Variants in INO80 observed in about 807,000 individuals in gnomAD.
The protein encoded by INO80 is INO80 complex ATPase subunit.
INO80 carries 20 observed loss-of-function variants against 203.4 expected under a neutral mutation model. The ratio of observed to expected loss-of-function variants is 0.10; its 90% CI spans 0.07 to 0.14. The LOEUF (loss-of-function observed/expected upper bound fraction) is 0.14, where lower values mean the gene tolerates loss of function less well. Ranked by LOEUF, INO80 falls within the 10% of genes least tolerant of loss-of-function variation. The pLI is 1.00. For synonymous variants in INO80, 726 were observed against 685.2 expected, an observed-to-expected ratio of 1.06 and a Z score of -0.93; for missense variants, 1,419 against 1,914.4, an observed-to-expected ratio of 0.74 and a Z score of 4.83.
At chr15:41,056,500 T>C (rs2044987111) in intron 17 of INO80, 122 bp downstream of exon 17, 3 of 734,130 alleles carry the variant, frequency 4.1e-6, no homozygotes, top group East Asian at 2.6e-5. Context: ...AAGTCTTTTA[T>C]GTGGGGACTA....
At chr15:41,026,241 CCTT>C (rs2044372660) in intron 25 of INO80, among the ~76,000 whole-genome samples, 1 of 151,952 alleles carries the variant, frequency 6.6e-6, no homozygotes, top group Admixed American at 6.6e-5. Flanking sequence ...AGAAAAGGCT[CCTT>C]CTTCTTTTAA....
At chr15:41,044,696 T>TA (rs55973341) in intron 24 of INO80, among the ~76,000 whole-genome samples, 133,997 of 151,750 alleles carry the variant, frequency 0.88, 61,294 homozygotes, top group East Asian at 1. Context: ...CACAGTATTG[T>TA]AAAAAAAACA....
rs540160603 is a variant in INO80 at position 41,001,656 on chromosome 15, C to T, written c.3497+3937G>A. 2.6e-5 allele frequency among the ~76,000 whole-genome samples: 4 copies of T among 152,336 alleles called. No individual in the cohort carries two copies. The East Asian group carries it at 7.7e-4, about 29-fold the overall frequency. On this transcript the variant is annotated intron_variant, in intron 28 of 35. Coordinates refer to ENST00000648947, the MANE Select transcript of INO80 (RefSeq NM_017553.3). ...ACCTTGTGAATGGCTTCCAGGATCACGCACTGGTCACATGCCCTGAATGCT... is the reference window on the plus strand; with the variant it reads ...ACCTTGTGAATGGCTTCCAGGATCATGCACTGGTCACATGCCCTGAATGCT...
intron 25 of INO80, among the ~76,000 whole-genome samples, chr15:41,025,431 C>T (rs1345838506): frequency 1.3e-5 from 2 of 152,114 alleles, no homozygotes; most frequent in African/African-American, 4.8e-5. Context: ...ACACTGGGAA[C>T]AGGCTGGGCA....
chr15:40,980,901 ACTCT>A (rs1893803278), intron 35 of INO80, among the ~76,000 whole-genome samples: 1 of 151,876 alleles, frequency 6.6e-6, no homozygotes, highest in Non-Finnish European at 1.5e-5. Flanking sequence ...AAGGCTGCCC[ACTCT>A]CTATCCTGTG....
intron 11 of INO80, among the ~76,000 whole-genome samples, chr15:41,072,547 C>T (rs750062805): frequency 6.6e-4 from 99 of 149,970 alleles, no homozygotes; most frequent in Admixed American, 1.1e-3. Context: ...GGTGAAACCC[C>T]GTCTCTACTA....
At chr15:41,059,590 G>C (rs944109030) in intron 15 of INO80, among the ~76,000 whole-genome samples, 1 of 150,794 alleles carries the variant, frequency 6.6e-6, no homozygotes, top group Non-Finnish European at 1.5e-5. Flanking sequence ...GGAGGTCAAG[G>C]CTACAGTGAA....
rs1566913846 is a variant in INO80 at position 41,020,965 on chromosome 15, G to A, written c.3209C>T (p.Pro1070Leu). 6.2e-7 allele frequency: 1 copy of A among 1,613,980 alleles called. No homozygotes were observed. The highest frequency in any genetic ancestry group is 1.7e-5 in the Admixed American group (1 of 60,002). Residue 1070 changes from proline (P) to leucine (L), a missense_variant, in exon 26 of 36, where the codon CCA becomes CTA. Pro to Leu is a moderately conservative substitution (Grantham distance 98). Around this residue, in one of 9 missense-constraint regions of INO80, gnomAD observed 302 missense variants for 345.4 expected, o/e 0.87. Coordinates refer to ENST00000648947, the MANE Select transcript of INO80 (RefSeq NM_017553.3). ...GCTCCACAGACCTCCAGCTGGCTCT[G>A]GGAAGAACTGTGATCGTCTATTTAG... ...DWLNRRSQFFPEPAGGLWSIR... is the reference protein window; with the variant it reads ...DWLNRRSQFFLEPAGGLWSIR...
chr15:40,994,905 G>T (rs888147826), intron 29 of INO80, among the ~76,000 whole-genome samples: 14 of 151,956 alleles, frequency 9.2e-5, no homozygotes, highest in Non-Finnish European at 1.9e-4. Flanking sequence ...ACTTAGGCTG[G>T]AGTGCAGTGG....
chr15:41,034,801 A>T (rs1430555177), intron 24 of INO80, among the ~76,000 whole-genome samples: 1 of 152,232 alleles, frequency 6.6e-6, no homozygotes, highest in Non-Finnish European at 1.5e-5. Context: ...GATCTGGAAC[A>T]TGGAATCTGG....
At chr15:41,047,755 G>A (rs2044794331) in intron 22 of INO80, among the ~76,000 whole-genome samples, 1 of 152,132 alleles carries the variant, frequency 6.6e-6, no homozygotes, top group Non-Finnish European at 1.5e-5. Flanking sequence ...TGGGATTTTT[G>A]GATGCTTGCC....
chr15:41,011,626 CAAG>C (rs2140450313), intron 27 of INO80: 1 of 151,794 alleles, frequency 6.6e-6, no homozygotes, highest in Admixed American at 6.6e-5. Context: ...GGAAGAAGGC[CAAG>C]AAGGCAACTT....
chr15:41,076,523 C>G (rs2045405857), intron 9 of INO80, among the ~76,000 whole-genome samples: 1 of 150,066 alleles, frequency 6.7e-6, no homozygotes, highest in Non-Finnish European at 1.5e-5. Context: ...AGGTGGACTG[C>G]TTGATCTCAG....
At chr15:41,114,222 A>G (rs1184953811) in intron 1 of INO80, among the ~76,000 whole-genome samples, 1 of 151,424 alleles carries the variant, frequency 6.6e-6, no homozygotes, top group Admixed American at 6.6e-5. Flanking sequence ...AGCCGAGATC[A>G]CGCCACTATA....
At chr15:41,049,845 CA>C (rs754757917) in intron 20 of INO80, 89 bp downstream of exon 20, 146 of 1,200,804 alleles carry the variant, frequency 1.2e-4, no homozygotes, top group Non-Finnish European at 1.6e-4. Context: ...GAAATCACGC[CA>C]TTGCACTCCA....
intron 10 of INO80, 108 bp downstream of exon 10, chr15:41,074,262 G>C (rs769532285): frequency 5.0e-5 from 32 of 639,254 alleles, no homozygotes; most frequent in Non-Finnish European, 7.9e-5. Flanking sequence ...TCTCTTTTCT[G>C]GTAAATTACC....
chr15:41,105,065 G>A (rs188114630), intron 1 of INO80, among the ~76,000 whole-genome samples: 13 of 152,270 alleles, frequency 8.5e-5, no homozygotes, highest in African/African-American at 2.9e-4. Context: ...ATAAGCATGA[G>A]TTGAACTGTA....
intron 25 of INO80, among the ~76,000 whole-genome samples, chr15:41,023,780 A>C (rs2044331965): frequency 6.7e-6 from 1 of 148,414 alleles, no homozygotes; most frequent in Non-Finnish European, 1.5e-5. Context: ...AAAAAAAAAA[A>C]AAACAAAACA....
At chr15:40,987,645 G>C (rs529873816) in intron 30 of INO80, among the ~76,000 whole-genome samples, 171 bp downstream of exon 30, 15 of 152,332 alleles carry the variant, frequency 9.8e-5, no homozygotes, top group African/African-American at 3.6e-4. Flanking sequence ...GGCCAGGGAA[G>C]TCAAAATTGC....
Sources: allele counts gnomAD v4.1 joint callset (sites outside exome capture counted in the v4.1 genomes callset), GRCh38; gene constraint gnomAD v4.1.1; regional missense constraint gnomAD v4.1.1; transcripts MANE v1.5; gene names NCBI Gene and HGNC (gene_info 2026-07-23, HGNC 2026-07-21).